ARMC2: variants seen among roughly 807,000 people sequenced by gnomAD.
ARMC2 encodes armadillo repeat containing 2, also known as armadillo repeat-containing protein 2.
A neutral mutation model predicts 90.3 loss-of-function variants in ARMC2; 67 were observed. That is an observed-to-expected ratio of 0.74 (90% CI 0.61 to 0.91). The LOEUF is 0.91. Ranked by LOEUF, ARMC2 falls within the 40% of genes least tolerant of loss-of-function variation. The pLI is 0.00. For synonymous variants in ARMC2, 393 were observed against 393.0 expected, an observed-to-expected ratio of 1.00 and a Z score of 0.00; for missense variants, 920 against 1,030.9, an observed-to-expected ratio of 0.89 and a Z score of 1.47.
chr6:108,955,645 T>A (rs964581048), intron 13 of ARMC2, among the ~76,000 whole-genome samples: 1 of 152,182 alleles, frequency 6.6e-6, no homozygotes, highest in Non-Finnish European at 1.5e-5. Flanking sequence ...ACCACTTCCA[T>A]GTAAATAACT....
chr6:108,863,596 T>G (rs1775504963), intron 3 of ARMC2, among the ~76,000 whole-genome samples: 1 of 152,220 alleles, frequency 6.6e-6, no homozygotes, highest in South Asian at 2.1e-4. Flanking sequence ...TTGAATTGTA[T>G]AAAGTCAGAA....
chr6:108,929,955 C>A (rs562310086), intron 11 of ARMC2, among the ~76,000 whole-genome samples: 4 of 151,840 alleles, frequency 2.6e-5, no homozygotes. Flanking sequence ...CGCTGCCCCC[C>A]ACCCCCAACC....
chr6:109,026,672 T>C, the ARMC2 span, among the ~76,000 whole-genome samples: 136 of 152,056 alleles, frequency 8.9e-4, 1 homozygote, highest in African/African-American at 3.3e-3. Context: ...GCCCAACTAA[T>C]TTTTGTATTT....
the ARMC2 span, among the ~76,000 whole-genome samples, chr6:108,998,104 C>T: frequency 0.018 from 2,710 of 152,178 alleles, 81 homozygotes; most frequent in African/African-American, 0.063. Context: ...ATTAAGAAGC[C>T]AGACTGTTTA....
At chr6:108,989,726 G>A in the ARMC2 span, among the ~76,000 whole-genome samples, 1 of 152,124 alleles carries the variant, frequency 6.6e-6, no homozygotes, top group Non-Finnish European at 1.5e-5. Flanking sequence ...CAGGGGCTGC[G>A]AGGAGAAGGA....
downstream of ARMC2, among the ~76,000 whole-genome samples, chr6:108,974,821 TCC>T (rs1297817665): frequency 6.6e-6 from 1 of 152,012 alleles, no homozygotes; most frequent in Non-Finnish European, 1.5e-5. Flanking sequence ...ACACCTGTAA[TCC>T]CAACACTCTG....
At chr6:108,933,060 G>A (rs1422167708) in intron 11 of ARMC2, among the ~76,000 whole-genome samples, 2 of 149,464 alleles carry the variant, frequency 1.3e-5, no homozygotes, top group Non-Finnish European at 3.0e-5. Flanking sequence ...TTTCAGTTCC[G>A]TGTTAAATTT....
At chr6:108,851,044 T>C (rs558935794) in intron 1 of ARMC2, among the ~76,000 whole-genome samples, 21 of 152,328 alleles carry the variant, frequency 1.4e-4, no homozygotes, top group Non-Finnish European at 1.3e-4. Flanking sequence ...TTCCTGCCCA[T>C]CTCTGCCAGA....
At chr6:109,031,420 C>A in the ARMC2 span, among the ~76,000 whole-genome samples, 4 of 152,168 alleles carry the variant, frequency 2.6e-5, no homozygotes, top group African/African-American at 9.7e-5. Flanking sequence ...CCTCACACCA[C>A]CACCAAACTT....
chr6:108,997,945 G>C, the ARMC2 span, among the ~76,000 whole-genome samples: 7 of 152,236 alleles, frequency 4.6e-5, no homozygotes, highest in South Asian at 6.2e-4. Context: ...TAAAAGCCAG[G>C]AACAGAAGGA....
chr6:109,038,946 AAAG>A, the ARMC2 span, among the ~76,000 whole-genome samples: 1 of 151,568 alleles, frequency 6.6e-6, no homozygotes, highest in African/African-American at 2.4e-5. Context: ...GAGAAGAAGA[AAAG>A]AAGGGAGAAG....
intron 12 of ARMC2, among the ~76,000 whole-genome samples, chr6:108,949,130 A>G (rs1299312743): frequency 6.6e-6 from 1 of 152,228 alleles, no homozygotes; most frequent in Non-Finnish European, 1.5e-5. Flanking sequence ...TATTAATTAA[A>G]TAAGCAATCA....
chr6:109,028,476 T>A, the ARMC2 span, among the ~76,000 whole-genome samples: 1 of 152,212 alleles, frequency 6.6e-6, no homozygotes, highest in Non-Finnish European at 1.5e-5. Context: ...CATGTATGTA[T>A]GTTAAATTAA....
chr6:108,907,992 C>T, intron 8 of ARMC2: 1 of 922,482 alleles, frequency 1.1e-6, no homozygotes, highest in Non-Finnish European at 1.6e-6. Context: ...GTTCCCATTT[C>T]CTATTTTCCT....
intron 5 of ARMC2, among the ~76,000 whole-genome samples, chr6:108,880,524 C>G (rs979905144): frequency 6.6e-6 from 1 of 152,122 alleles, no homozygotes; most frequent in African/African-American, 2.4e-5. Context: ...GAGAGAGATG[C>G]TGAGAGGGAA....
At chr6:109,029,328 T>A in the ARMC2 span, among the ~76,000 whole-genome samples, 1 of 152,174 alleles carries the variant, frequency 6.6e-6, no homozygotes, top group African/African-American at 2.4e-5. Flanking sequence ...AAAAAGTTGG[T>A]CTCCAGACTA....
intron 17 of ARMC2, among the ~76,000 whole-genome samples, chr6:108,967,693 C>G (rs1218409220): frequency 2.0e-5 from 3 of 152,202 alleles, no homozygotes; most frequent in Non-Finnish European, 4.4e-5. Flanking sequence ...GGTTGTCGTG[C>G]TGTGATTTTT....
the ARMC2 span, among the ~76,000 whole-genome samples, chr6:109,014,106 C>G: frequency 6.6e-6 from 1 of 151,704 alleles, no homozygotes; most frequent in South Asian, 2.1e-4. Context: ...TTAGAGTTTC[C>G]TCTTTTAGAA....
intron 3 of ARMC2, among the ~76,000 whole-genome samples, chr6:108,866,525 A>G (rs911599882): frequency 1.2e-4 from 18 of 152,334 alleles, no homozygotes; most frequent in African/African-American, 3.6e-4. Flanking sequence ...CTGATAAATA[A>G]GGGGTGAGCA....
Sources: allele counts gnomAD v4.1 joint callset (sites outside exome capture counted in the v4.1 genomes callset), GRCh38; gene constraint gnomAD v4.1.1; transcripts MANE v1.5; gene names NCBI Gene and HGNC (gene_info 2026-07-23, HGNC 2026-07-21).